THRB: variants seen among roughly 807,000 people sequenced by gnomAD.
THRB encodes the protein nuclear receptor subfamily 1 group A member 2.
Under a neutral mutation model 47.8 loss-of-function variants are expected in THRB, and 12 were observed. The observed-to-expected ratio is 0.25, with a 90% CI of 0.16 to 0.41. THRB has a LOEUF of 0.41. THRB is among the 10% of genes least tolerant of loss of function. The probability of loss-of-function intolerance (pLI) is 1.00; values close to 1 mark genes in which losing one functional copy is unlikely to be tolerated. For synonymous variants in THRB, 218 were observed against 212.2 expected (o/e 1.03, Z -0.24); for missense variants, 348 against 589.2 (o/e 0.59, Z 4.24).
intron 1 of THRB, chr3:24,349,011 C>A (rs1303750417): frequency 6.6e-6 from 1 of 151,958 alleles, no homozygotes; most frequent in Non-Finnish European, 1.5e-5. Context: ...GTTAATAAAG[C>A]CACACCACTG....
At chr3:24,343,953 TTA>T (rs200026662) in intron 1 of THRB, among the ~76,000 whole-genome samples, 63 of 145,966 alleles carry the variant, frequency 4.3e-4, no homozygotes, top group African/African-American at 1.3e-3. Flanking sequence ...TATATATTAT[TTA>T]TATATATATA....
chr3:24,217,669 T>G (rs532232004), intron 4 of THRB, among the ~76,000 whole-genome samples: 12 of 152,282 alleles, frequency 7.9e-5, no homozygotes, highest in African/African-American at 2.6e-4. Context: ...GGAAGGTATG[T>G]TTCCCCTCCC....
At chr3:24,250,497 G>A (rs1293876007) in intron 3 of THRB, among the ~76,000 whole-genome samples, 1 of 152,150 alleles carries the variant, frequency 6.6e-6, no homozygotes. Context: ...AAGAGTTCAA[G>A]AGTAGCCTGG....
intron 1 of THRB, among the ~76,000 whole-genome samples, chr3:24,356,252 G>A (rs1475799815): frequency 6.6e-6 from 1 of 152,128 alleles, no homozygotes; most frequent in Admixed American, 6.6e-5. Flanking sequence ...TGGTGTGGTG[G>A]TGGTCCAGCC....
At chr3:24,406,495 G>A (rs1273623595) in intron 1 of THRB, among the ~76,000 whole-genome samples, 2 of 151,482 alleles carry the variant, frequency 1.3e-5, no homozygotes, top group Non-Finnish European at 3.0e-5. Flanking sequence ...GTCATGGTTT[G>A]TTATTGTTTA....
At chr3:24,124,909 G>A (rs2032440652) in intron 10 of THRB, among the ~76,000 whole-genome samples, 1 of 152,192 alleles carries the variant, frequency 6.6e-6, no homozygotes, top group African/African-American at 2.4e-5. Context: ...AATGAAGAGG[G>A]TCCACATCAC....
intron 1 of THRB, among the ~76,000 whole-genome samples, chr3:24,406,188 C>G (rs909372434): frequency 6.6e-5 from 10 of 151,468 alleles, no homozygotes; most frequent in Non-Finnish European, 1.3e-4. Context: ...ATTTGCTAGA[C>G]TTTTGAGAAA....
intron 1 of THRB, chr3:24,459,095 T>A (rs556923549): frequency 6.6e-6 from 1 of 152,206 alleles, no homozygotes; most frequent in South Asian, 2.1e-4. Context: ...TCTCCTAATG[T>A]TATCCCTTCC....
At chr3:24,232,147 A>C (rs1357759752) in intron 3 of THRB, among the ~76,000 whole-genome samples, 2 of 152,194 alleles carry the variant, frequency 1.3e-5, no homozygotes, top group Non-Finnish European at 2.9e-5. Context: ...ACAGTTCAGC[A>C]CTAGGGGAAG....
intron 4 of THRB, among the ~76,000 whole-genome samples, chr3:24,198,088 C>T (rs139306407): frequency 1.3e-5 from 2 of 152,286 alleles, no homozygotes; most frequent in East Asian, 1.9e-4. Context: ...ACCCAGGTGG[C>T]TTTGCCTGGC....
chr3:24,417,131 C>T (rs1372493950), intron 1 of THRB, among the ~76,000 whole-genome samples: 1 of 144,378 alleles, frequency 6.9e-6, no homozygotes, highest in Non-Finnish European at 1.5e-5. Context: ...CACACACACA[C>T]ACACACACGC....
intron 3 of THRB, among the ~76,000 whole-genome samples, chr3:24,262,195 C>G (rs1291573133): frequency 6.6e-6 from 1 of 152,176 alleles, no homozygotes; most frequent in East Asian, 1.9e-4. Context: ...TCCTTAATCA[C>G]TATAAATGAT....
intron 4 of THRB, among the ~76,000 whole-genome samples, chr3:24,206,146 C>T (rs1048962831): frequency 1.6e-4 from 25 of 152,128 alleles, no homozygotes; most frequent in Admixed American, 1.5e-3. Context: ...CTGCACCAAG[C>T]GGACCTAATA....
chr3:24,366,780 C>G (rs2064505103), intron 1 of THRB, among the ~76,000 whole-genome samples: 1 of 151,952 alleles, frequency 6.6e-6, no homozygotes, highest in Non-Finnish European at 1.5e-5. Context: ...GCCACCACAC[C>G]AGGTTAATTT....
intron 3 of THRB, among the ~76,000 whole-genome samples, chr3:24,238,235 T>G (rs1304306339): frequency 8.1e-6 from 1 of 123,766 alleles, no homozygotes; most frequent in Non-Finnish European, 1.6e-5. Context: ...GTAGGGTAAC[T>G]TCTCCCTGCT....
chr3:24,279,847 C>T (rs1459619331), intron 3 of THRB, among the ~76,000 whole-genome samples: 2 of 152,134 alleles, frequency 1.3e-5, no homozygotes, highest in African/African-American at 2.4e-5. Flanking sequence ...GCTTCAAGTA[C>T]GAGGAGTTCT....
intron 4 of THRB, among the ~76,000 whole-genome samples, chr3:24,194,993 A>T (rs1575765171): frequency 6.6e-6 from 1 of 152,214 alleles, no homozygotes; most frequent in Non-Finnish European, 1.5e-5. Context: ...CATATTCTGC[A>T]TTAGGGGTGT....
intron 1 of THRB, among the ~76,000 whole-genome samples, chr3:24,386,084 C>T (rs2066078817): frequency 6.6e-6 from 1 of 152,122 alleles, no homozygotes; most frequent in Non-Finnish European, 1.5e-5. Flanking sequence ...ATCCAGCATC[C>T]ACCTAAACTT....
chr3:24,163,973 TTA>T (rs534742611), intron 5 of THRB, among the ~76,000 whole-genome samples: 158 of 152,202 alleles, frequency 1.0e-3, no homozygotes, highest in Non-Finnish European at 1.6e-3. Flanking sequence ...ATAAACCACA[TTA>T]TGTTTTAAGA....
Sources: gnomAD v4.1 joint callset for allele counts (sites outside exome capture counted in the v4.1 genomes callset) on GRCh38, gnomAD v4.1.1 for gene constraint, MANE v1.5 for transcripts, NCBI Gene and HGNC (gene_info 2026-07-23, HGNC 2026-07-21) for gene names.